The following XKR5 variants were observed in gnomAD, a reference collection of about 807,000 sequenced individuals.
The protein encoded by XKR5 is XK related 5.
In XKR5, 46 loss-of-function variants were observed where a neutral mutation model predicts 40.8. The observed-to-expected ratio is 1.13, with a 90% CI of 0.89 to 1.44. The LOEUF (loss-of-function observed/expected upper bound fraction) is 1.44, where lower values mean the gene tolerates loss of function less well. Ranked by LOEUF, XKR5 falls within the 40% of genes most tolerant of loss-of-function variation. The probability of loss-of-function intolerance (pLI) is 0.00; values close to 1 mark genes in which losing one functional copy is unlikely to be tolerated. For synonymous variants in XKR5, 466 were observed against 356.1 expected (o/e 1.31, Z -3.48); for missense variants, 1,169 against 844.7 (o/e 1.38, Z -4.76).
At chr8:6,817,574 G>A (rs922139714) in intron 5 of XKR5, among the ~76,000 whole-genome samples, 2 of 151,944 alleles carry the variant, frequency 1.3e-5, no homozygotes, top group African/African-American at 2.4e-5. Flanking sequence ...CTACGATGCT[G>A]ACCTCAGTCT....
Position 6,835,381 on chromosome 8 carries a change from C to G in XKR5, c.58+55G>C. 9 of 1,361,214 alleles carry G rather than the reference C, an allele frequency of 6.6e-6. No individual in the cohort carries two copies. In the South Asian group the frequency reaches 1.5e-4, roughly 23 times the overall value. The allele number at this position is 1,361,214 out of a possible 1,614,324, so 84.3% of individuals were successfully genotyped here. ...AGGCAGCCTGTGCGGCTCCCGGCGC[C>G]GGGGTGGGGTTAGGGGCTGCAGGGG... On this transcript the variant is annotated intron_variant, in intron 1 of 6. Transcript: ENST00000618742.
chr8:6,812,181 T>C lies in XKR5; in HGVS notation c.1078A>G (p.Ser360Gly). ...ATDLAGKRTE[S>G]SGSCQGASYE... ...CTTGCCCCTTGGCATGAGCCTGAGC[T>C]CTCGGTTCTCTTCCCAGCTAGATCT... Residue 360 changes from serine to glycine, a missense_variant, in exon 7 of 7, where the codon AGC becomes GGC. Transcript: ENST00000618742. 6.4e-7 allele frequency: 1 copy of C among 1,551,790 alleles called. No individual in the cohort carries two copies. The highest frequency in any genetic ancestry group is 8.7e-7 in the Non-Finnish European group (1 of 1,147,020).
chr8:6,829,826 C>CTTTTTTTTTT (rs140715953), intron 2 of XKR5, among the ~76,000 whole-genome samples: 1 of 63,530 alleles, frequency 1.6e-5, no homozygotes, highest in African/African-American at 6.9e-5. Flanking sequence ...CAAATTCTTG[C>CTTTTTTTTTT]TTTTTTTTTT....
At chr8:6,828,587 TG>T (rs1804624671) in intron 2 of XKR5, among the ~76,000 whole-genome samples, 1 of 152,092 alleles carries the variant, frequency 6.6e-6, no homozygotes, top group African/African-American at 2.4e-5. Context: ...ATGGAGAGCG[TG>T]GGGATTTGGT....
chr8:6,812,071 C>T lies in XKR5; in HGVS notation c.1188G>A (p.Glu396=), dbSNP rs1803739115. ...AGTGGTGATGACTGAGGAAAGAGTC[C>T]TCCACAGCAACCTGGGTCCCCAGCC... ...EAGLGTQVAV[E]DSFLSHHHWL... is the part of the protein sequence containing the mutation. The change falls in exon 7 of 7, where the codon GAG becomes GAA. Residue 396 remains glutamate (E), a synonymous_variant. Transcript: ENST00000618742. 1 of 1,540,772 alleles carries T rather than the reference C, an allele frequency of 6.5e-7. No individual in the cohort carries two copies. Among genetic ancestry groups the T allele is most frequent in the Admixed American group, 2.0e-5 (1 of 50,990 alleles).
chr8:6,834,505 C>A (rs116101227), intron 1 of XKR5, among the ~76,000 whole-genome samples: 4,026 of 152,324 alleles, frequency 0.026, 186 homozygotes, highest in African/African-American at 0.09. Flanking sequence ...GGGTGGGTGC[C>A]GACCCCCGCA....
chr8:6,826,745 C>G (rs1433170429), intron 2 of XKR5, among the ~76,000 whole-genome samples: 1 of 152,108 alleles, frequency 6.6e-6, no homozygotes, highest in Admixed American at 6.5e-5. Context: ...ACAGCATAGA[C>G]CAAGGACAGC....
Position 6,821,945 on chromosome 8 carries a change from A to G in XKR5, c.731T>C (p.Val244Ala), listed in dbSNP as rs1157135092. The G allele has an allele frequency of 6.2e-7, 1 of 1,612,916 alleles. No individual in the cohort carries two copies. Among genetic ancestry groups the G allele is most frequent in the East Asian group, 2.2e-5 (1 of 44,860 alleles). Residue 244 changes from valine to alanine, a missense_variant, in exon 5 of 7, where the codon GTG (valine) becomes GCG (alanine). Val to Ala is a moderately conservative substitution (Grantham distance 64). Coordinates refer to ENST00000618742, the MANE Select transcript of XKR5 (RefSeq NM_207411.5). ...TCHWRLFNLL[V>A]GAVYILCYLS... ...GTAGCAGAGGATGTACACGGCCCCC[A>G]CGAGCAGGTTGAACAGCCTCCAGTG... is the stretch of plus-strand genomic sequence containing the variant.
chr8:6,811,679 G>C lies in XKR5; in HGVS notation c.1580C>G (p.Thr527Arg). The C allele has an allele frequency of 6.5e-7, 1 of 1,537,734 alleles. No homozygotes were observed. Among genetic ancestry groups the C allele is most frequent in the South Asian group, 1.2e-5 (1 of 84,058 alleles). Residue 527 changes from threonine to arginine, a missense_variant, in exon 7 of 7, where the codon ACA becomes AGA. Transcript: ENST00000618742. ...TTCCCCTCCTCTCTGCTGCCCACCT[G>C]TCCCCTTCCCCTGTGTCCCAGAAAC... ...DAVSGTQGKGTGGQQRGGEGQ... is the reference protein window; with the variant it reads ...DAVSGTQGKGRGGQQRGGEGQ...
intron 3 of XKR5, 146 bp from the exon 4 acceptor site, chr8:6,823,876 C>G: frequency 1.5e-6 from 1 of 677,954 alleles, no homozygotes; most frequent in South Asian, 1.8e-5. Flanking sequence ...TAACCCACCA[C>G]TTTGACCAGT....
intron 3 of XKR5, among the ~76,000 whole-genome samples, chr8:6,824,743 G>A (rs73513703): frequency 2.6e-4 from 40 of 152,200 alleles, no homozygotes; most frequent in African/African-American, 8.7e-4. Flanking sequence ...GGCTGGTCTT[G>A]AGCTCCTGGG....
rs751385506 is a variant in XKR5 at position 6,811,911 on chromosome 8, A to G, written c.1348T>C (p.Ser450Pro). The G allele has an allele frequency of 5.0e-5, 77 of 1,537,298 alleles. No homozygotes were observed. The highest frequency in any genetic ancestry group is 6.5e-5 in the Non-Finnish European group (74 of 1,146,952). Reference sequence around the variant, plus strand: ...GAGGATGGGAGCTCTTGCTGGGCAGACAAGGCCTTTCTCTGCAGGTAGTCC... The same window carrying G: ...GAGGATGGGAGCTCTTGCTGGGCAGGCAAGGCCTTTCTCTGCAGGTAGTCC... ...QQDYLQRKAL[S>P]AQQELPSSSR... is the part of the protein sequence containing the mutation. Residue 450 changes from serine to proline, a missense_variant, in exon 7 of 7, where the codon TCT becomes CCT. Coordinates refer to ENST00000618742, the MANE Select transcript of XKR5 (RefSeq NM_207411.5).
intron 6 of XKR5, 59 bp downstream of exon 6, chr8:6,815,748 T>TAA (rs112269595): frequency 1.4e-4 from 152 of 1,074,014 alleles, no homozygotes; most frequent in African/African-American, 5.3e-4. Context: ...GAGCCCATTG[T>TAA]AAAAAAAAAA....
At chr8:6,819,202 G>A (rs757862672) in intron 5 of XKR5, among the ~76,000 whole-genome samples, 1 of 152,240 alleles carries the variant, frequency 6.6e-6, no homozygotes, top group Non-Finnish European at 1.5e-5. Flanking sequence ...GACAGGAATT[G>A]CAGCTTCTTC....
chr8:6,815,211 T>C (rs1803903191), intron 6 of XKR5, among the ~76,000 whole-genome samples: 1 of 152,144 alleles, frequency 6.6e-6, no homozygotes, highest in South Asian at 2.1e-4. Context: ...GCGGAACTCA[T>C]GCCAATCTGG....
At position 6,822,051 on chromosome 8, in the gene XKR5, C is replaced by T. The variant is rs763925473; in HGVS notation, c.638-13G>A. On this transcript the variant is annotated splice_polypyrimidine_tract_variant and intron_variant, in intron 4 of 6. Coordinates refer to ENST00000618742, the MANE Select transcript of XKR5 (RefSeq NM_207411.5). ...AGCCAGTGGGCACCTGCAGAGAAGCCGGGTGCAGACGTCAGGGTCCATGCA... is the reference window on the plus strand; with the variant it reads ...AGCCAGTGGGCACCTGCAGAGAAGCTGGGTGCAGACGTCAGGGTCCATGCA... 40 of 1,595,596 alleles carry T rather than the reference C, an allele frequency of 2.5e-5. No individual in the cohort carries two copies. Among genetic ancestry groups the T allele is most frequent in the Middle Eastern group, 3.5e-4 (2 of 5,704 alleles).
chr8:6,815,066 C>T (rs1045290582), intron 6 of XKR5, among the ~76,000 whole-genome samples: 9 of 152,192 alleles, frequency 5.9e-5, no homozygotes, highest in African/African-American at 1.4e-4. Flanking sequence ...TGCAGAAGCA[C>T]GAGGCCCCAC....
Position 6,811,766 on chromosome 8 carries a change from G to C in XKR5, c.1493C>G (p.Ala498Gly). 1 of 1,537,604 alleles carries C rather than the reference G, an allele frequency of 6.5e-7. No individual in the cohort carries two copies. Among genetic ancestry groups the C allele is most frequent in the Non-Finnish European group, 8.7e-7 (1 of 1,146,998 alleles). The change falls in exon 7 of 7, where the codon GCA becomes GGA. Residue 498 changes from alanine (A) to glycine (G), a missense_variant. Physicochemically the swap from Ala to Gly is moderately conservative, Grantham distance 60. Transcript: ENST00000618742. ...VSFASDQQDE[A>G]PTQNPAATQG... ...CGTGGCTGCTGGGTTCTGGGTAGGT[G>C]CTTCATCCTGCTGATCGCTGGCAAA...
At chr8:6,815,945 C>A in intron 5 of XKR5, 27 bp from the exon 6 acceptor site, 1 of 1,537,354 alleles carries the variant, frequency 6.5e-7, no homozygotes, top group Non-Finnish European at 8.9e-7. Context: ...AGAGGCACCA[C>A]ACCTCGTCAG....
Sources: gnomAD v4.1 joint callset for allele counts (sites outside exome capture counted in the v4.1 genomes callset) on GRCh38, gnomAD v4.1.1 for gene constraint, MANE v1.5 for transcripts, NCBI Gene and HGNC (gene_info 2026-07-23, HGNC 2026-07-21) for gene names.